GABRA1: variants seen among roughly 807,000 people sequenced by gnomAD.
GABRA1 encodes the protein gamma-aminobutyric acid type A receptor subunit alpha1, also known as gamma-aminobutyric acid receptor subunit alpha-1.
Under a neutral mutation model 48.9 loss-of-function variants are expected in GABRA1, and 9 were observed. The ratio of observed to expected loss-of-function variants is 0.18; its 90% CI spans 0.11 to 0.32. GABRA1 has a LOEUF of 0.32. Among genes scored for constraint, GABRA1 ranks in the 10% least tolerant of loss-of-function variants. GABRA1 has a pLI of 1.00. For synonymous variants in GABRA1, 210 were observed against 198.7 expected (o/e 1.06, Z -0.48); for missense variants, 285 against 553.8 (o/e 0.51, Z 4.87).
intron 4 of GABRA1, among the ~76,000 whole-genome samples, chr5:161,871,756 A>T (rs1754130287): frequency 6.6e-6 from 1 of 152,208 alleles, no homozygotes; most frequent in Non-Finnish European, 1.5e-5. Flanking sequence ...CCTAACCAGG[A>T]AACAAGGTAA....
intron 3 of GABRA1, among the ~76,000 whole-genome samples, chr5:161,854,572 A>G (rs1757575333): frequency 6.6e-6 from 1 of 151,682 alleles, no homozygotes; most frequent in Non-Finnish European, 1.5e-5. Context: ...ATAATATTCT[A>G]TCTTCCAGCA....
intron 3 of GABRA1, among the ~76,000 whole-genome samples, chr5:161,858,219 C>T (rs1201251099): frequency 6.6e-6 from 1 of 151,386 alleles, no homozygotes; most frequent in Non-Finnish European, 1.5e-5. Flanking sequence ...CAAGTTTTCT[C>T]CTCTTTGCCC....
intron 4 of GABRA1, among the ~76,000 whole-genome samples, chr5:161,868,970 A>G (rs1285504499): frequency 6.6e-6 from 1 of 152,184 alleles, no homozygotes; most frequent in Non-Finnish European, 1.5e-5. Context: ...GAACAAGACA[A>G]TGTTTCAATT....
intron 6 of GABRA1, among the ~76,000 whole-genome samples, chr5:161,877,992 C>A (rs1226396122): frequency 2.6e-5 from 4 of 152,112 alleles, no homozygotes; most frequent in Non-Finnish European, 2.9e-5. Flanking sequence ...TTATTTTATA[C>A]CATTTATCAC....
At chr5:161,854,756 T>C (rs137887845) in intron 3 of GABRA1, among the ~76,000 whole-genome samples, 88 of 151,772 alleles carry the variant, frequency 5.8e-4, no homozygotes, top group African/African-American at 2.0e-3. Flanking sequence ...GATGGTAGTG[T>C]TGTGGTTTAA....
chr5:161,893,854 T>G (rs750559589), intron 8 of GABRA1, among the ~76,000 whole-genome samples: 4 of 152,226 alleles, frequency 2.6e-5, no homozygotes, highest in Non-Finnish European at 5.9e-5. Flanking sequence ...GTTCCATACT[T>G]GTAACTTAAA....
At chr5:161,896,593 A>G (rs776985357) in intron 9 of GABRA1, among the ~76,000 whole-genome samples, 8 of 152,210 alleles carry the variant, frequency 5.3e-5, no homozygotes, top group Non-Finnish European at 7.3e-5. Context: ...TGTGATGAAG[A>G]GCAAAGACAG....
chr5:161,872,626 T>A (rs1754171543), intron 4 of GABRA1, among the ~76,000 whole-genome samples: 1 of 152,154 alleles, frequency 6.6e-6, no homozygotes, highest in African/African-American at 2.4e-5. Context: ...AATTTTTACA[T>A]CCATATTGGA....
At position 161,897,575 on chromosome 5, in the gene GABRA1, T is replaced by C; in HGVS notation, c.*153T>C. 1 of 751,940 alleles carries C rather than the reference T, an allele frequency of 1.3e-6. No individual in the cohort carries two copies. Among genetic ancestry groups the C allele is most frequent in the South Asian group, 1.8e-5 (1 of 56,238 alleles). The allele number at this position is 751,940 out of a possible 1,614,324, so 46.6% of individuals were successfully genotyped here. On this transcript the variant is annotated 3_prime_UTR_variant, in exon 10 of 10. Transcript: ENST00000393943. ...TTCATTTAAGAACAAGAGACCCCTG[T>C]CTGGCAGTCTGGAGCAAAGCAGACT...
intron 7 of GABRA1, among the ~76,000 whole-genome samples, chr5:161,883,856 GA>G (rs1412155686): frequency 1.3e-5 from 2 of 152,062 alleles, no homozygotes; most frequent in Admixed American, 6.6e-5. Flanking sequence ...TGCTAGCCCA[GA>G]AGCTTAAATG....
chr5:161,899,785 C>A lies in GABRA1; in HGVS notation c.*2363C>A, dbSNP rs1268613107. 6.6e-6 allele frequency: 1 copy of A among 152,180 alleles called. No homozygotes were observed. The highest frequency in any genetic ancestry group is 1.5e-5 in the Non-Finnish European group (1 of 68,018). 9.4% of individuals were successfully genotyped at this position (152,180 alleles called of 1,614,324 possible). ...CAGGAAACTTTTTTAAAAGATGACA[C>A]TGAATGTTTATTGCACTTTAGTGCA... On this transcript the variant is annotated 3_prime_UTR_variant, in exon 10 of 10. Coordinates refer to ENST00000393943, the MANE Select transcript of GABRA1 (RefSeq NM_001127644.2).
chr5:161,896,124 C>T (rs1755356693), intron 9 of GABRA1, among the ~76,000 whole-genome samples: 1 of 152,074 alleles, frequency 6.6e-6, no homozygotes, highest in Admixed American at 6.6e-5. Flanking sequence ...AATAGGCTTT[C>T]CTGTGGTTTC....
rs1308271547 is a variant in GABRA1, at chr5:161,873,314, T to C, written c.453T>C (p.Asp151=). The C allele has an allele frequency of 2.5e-6, 4 of 1,613,668 alleles. No homozygotes were observed. Among genetic ancestry groups the C allele is most frequent in the Non-Finnish European group, 3.4e-6 (4 of 1,179,720 alleles). ...ACAAACTCCTGCGGATCACAGAGGA[T>C]GGCACCTTGCTGTACACCATGAGGT... is the stretch of plus-strand genomic sequence containing the variant. ...MPNKLLRITE[D]GTLLYTMRLT... is the part of the protein sequence containing the mutation. The change falls in exon 5 of 10, where the codon GAT becomes GAC. Residue 151 remains aspartate, a synonymous_variant. Coordinates refer to ENST00000393943, the MANE Select transcript of GABRA1 (RefSeq NM_001127644.2).
intron 3 of GABRA1, among the ~76,000 whole-genome samples, chr5:161,859,591 A>G (rs1285667625): frequency 6.6e-6 from 1 of 151,820 alleles, no homozygotes; most frequent in Non-Finnish European, 1.5e-5. Context: ...TAATTCTTTT[A>G]AAATTCAACT....
chr5:161,858,251 GC>G (rs1479539162), intron 3 of GABRA1, among the ~76,000 whole-genome samples: 1 of 151,164 alleles, frequency 6.6e-6, no homozygotes, highest in Non-Finnish European at 1.5e-5. Context: ...AATGAAGGAA[GC>G]CTGGATGTTC....
intron 4 of GABRA1, among the ~76,000 whole-genome samples, chr5:161,869,502 C>T (rs1363056144): frequency 6.6e-6 from 1 of 152,138 alleles, no homozygotes; most frequent in African/African-American, 2.4e-5. Context: ...ATTTTAAAAA[C>T]CATTAATTGG....
At chr5:161,867,532 C>A (rs1313206122) in intron 4 of GABRA1, among the ~76,000 whole-genome samples, 4 of 152,104 alleles carry the variant, frequency 2.6e-5, no homozygotes, top group Non-Finnish European at 5.9e-5. Flanking sequence ...GGCTCAAAGT[C>A]TTTCAAATGT....
chr5:161,859,405 T>G (rs555952574), intron 3 of GABRA1, among the ~76,000 whole-genome samples: 1 of 151,802 alleles, frequency 6.6e-6, no homozygotes, highest in Admixed American at 6.6e-5. Flanking sequence ...GGAAATTCCC[T>G]GCAGTTGGCA....
chr5:161,891,034 A>G lies in GABRA1; in HGVS notation c.840A>G (p.Pro280=), dbSNP rs150497014. 21 of 1,613,794 alleles carry G rather than the reference A, an allele frequency of 1.3e-5. No homozygotes were observed. Among genetic ancestry groups the G allele is most frequent in the African/African-American group, 5.3e-5 (4 of 74,930 alleles). ...VSFWLNRESV[P]ARTVFGVTTV... Reference sequence around the variant, plus strand: ...TCTGGCTCAACAGAGAGTCTGTACCAGCAAGAACTGTCTTTGGTAAGTCCC... The same window carrying G: ...TCTGGCTCAACAGAGAGTCTGTACCGGCAAGAACTGTCTTTGGTAAGTCCC... Residue 280 remains proline (P), a synonymous_variant, in exon 8 of 10, where the codon CCA becomes CCG. Transcript: ENST00000393943.
Sources: gnomAD v4.1 joint callset for allele counts (sites outside exome capture counted in the v4.1 genomes callset) on GRCh38, gnomAD v4.1.1 for gene constraint, MANE v1.5 for transcripts, NCBI Gene and HGNC (gene_info 2026-07-23, HGNC 2026-07-21) for gene names.